The following PTPRD variants were observed in gnomAD, a reference collection of about 807,000 sequenced individuals.
The protein encoded by PTPRD is receptor-type tyrosine-protein phosphatase delta.
Under a neutral mutation model 214.5 loss-of-function variants are expected in PTPRD, and 34 were observed. The observed-to-expected ratio is 0.16, with a 90% CI of 0.12 to 0.21. The LOEUF (loss-of-function observed/expected upper bound fraction) is 0.21, where lower values mean the gene tolerates loss of function less well. Among genes scored for constraint, PTPRD ranks in the 10% least tolerant of loss-of-function variants. The pLI is 1.00. For missense variants in PTPRD, 2,545 were observed against 2,398.7 expected (o/e 1.06, Z -1.27); for synonymous variants, 1,128 against 845.7 (o/e 1.33, Z -5.79).
At chr9:10,400,111 C>G (rs1214196617) in intron 2 of PTPRD, among the ~76,000 whole-genome samples, 1 of 151,718 alleles carries the variant, frequency 6.6e-6, no homozygotes, top group Non-Finnish European at 1.5e-5. Context: ...TCACAGAAGC[C>G]AGAGGAAATA....
intron 9 of PTPRD, among the ~76,000 whole-genome samples, chr9:9,228,358 A>ATCT (rs1372197846): frequency 6.6e-6 from 1 of 152,096 alleles, no homozygotes; most frequent in Non-Finnish European, 1.5e-5. Flanking sequence ...TTATAAATAC[A>ATCT]TCTTATTGAA....
intron 35 of PTPRD, among the ~76,000 whole-genome samples, chr9:8,414,713 C>T (rs970745359): frequency 6.6e-6 from 1 of 151,776 alleles, no homozygotes; most frequent in African/African-American, 2.4e-5. Context: ...TCAAAGTATC[C>T]CAGTTTAGGC....
chr9:8,914,528 G>C (rs553892811), intron 11 of PTPRD, among the ~76,000 whole-genome samples: 1 of 152,010 alleles, frequency 6.6e-6, no homozygotes, highest in Non-Finnish European at 1.5e-5. Flanking sequence ...GAGTGATAGG[G>C]GTCGAGATAA....
rs550729888 is a variant in PTPRD, at chr9:9,131,759, T to C, written c.-143+51545A>G. 3.3e-5 allele frequency among the ~76,000 whole-genome samples: 5 copies of C among 152,366 alleles called. No homozygotes were observed. In the East Asian group the frequency reaches 9.6e-4, roughly 29 times the overall value. On this transcript the variant is annotated intron_variant, in intron 10 of 45. Coordinates refer to ENST00000381196, the MANE Select transcript of PTPRD (RefSeq NM_002839.4). The stretch of plus-strand genomic sequence containing the variant: ...GAATAGCCAATTCAAATATTTACCA[T>C]AAGAGATTGGTGACTTAATTATGAG...
chr9:10,156,465 G>A (rs776394506), intron 3 of PTPRD, among the ~76,000 whole-genome samples: 2 of 152,064 alleles, frequency 1.3e-5, no homozygotes, highest in East Asian at 3.9e-4. Context: ...CTTTAGTCTT[G>A]ATTTCTAATT....
intron 14 of PTPRD, among the ~76,000 whole-genome samples, chr9:8,530,229 G>A (rs1158968868): frequency 1.3e-5 from 2 of 151,984 alleles, no homozygotes; most frequent in East Asian, 1.9e-4. Context: ...CTCTAGAGCC[G>A]AGGGGTAAAC....
intron 5 of PTPRD, among the ~76,000 whole-genome samples, chr9:9,790,487 G>T (rs1021697569): frequency 6.6e-6 from 1 of 152,090 alleles, no homozygotes; most frequent in African/African-American, 2.4e-5. Context: ...ATTCCCTTCT[G>T]CCTGATTTCA....
chr9:9,886,822 ATG>A, intron 5 of PTPRD, among the ~76,000 whole-genome samples: 1 of 152,194 alleles, frequency 6.6e-6, no homozygotes, highest in South Asian at 2.1e-4. Flanking sequence ...CCATGCTTTG[ATG>A]AAGTTCAAAT....
intron 5 of PTPRD, among the ~76,000 whole-genome samples, chr9:9,893,023 C>G (rs1159178746): frequency 2.0e-5 from 3 of 152,014 alleles, no homozygotes; most frequent in Non-Finnish European, 2.9e-5. Flanking sequence ...ATTTGGACAT[C>G]AGACACTCAC....
intron 3 of PTPRD, among the ~76,000 whole-genome samples, chr9:10,100,507 A>C (rs1186060376): frequency 6.6e-6 from 1 of 151,698 alleles, no homozygotes; most frequent in African/African-American, 2.4e-5. Context: ...TTTAGAAAGG[A>C]GGATGATCTC....
chr9:9,275,199 T>TAACATATATATAATATATATGTTA (rs1491465404), intron 9 of PTPRD, among the ~76,000 whole-genome samples: 3 of 10,394 alleles, frequency 2.9e-4, no homozygotes, highest in Non-Finnish European at 4.7e-4. Context: ...TATATATATA[T>TAACATATATATAATATATATGTTA]TATATATATA....
chr9:9,569,437 T>C (rs535801312), intron 8 of PTPRD, among the ~76,000 whole-genome samples: 1 of 151,938 alleles, frequency 6.6e-6, no homozygotes, highest in Admixed American at 6.6e-5. Flanking sequence ...AAAGCTGACA[T>C]ATTAGAAGCT....
intron 36 of PTPRD, among the ~76,000 whole-genome samples, chr9:8,392,297 A>G (rs994474915): frequency 5.9e-5 from 9 of 152,058 alleles, no homozygotes; most frequent in Non-Finnish European, 1.3e-4. Flanking sequence ...AGGCTGAGGC[A>G]GGAAGATTTA....
In PTPRD at chr9:8,432,897, G is replaced by A. The variant is rs114717135; in HGVS notation, c.4086+3695C>T. Among the ~76,000 whole-genome samples the A allele has an allele frequency of 3.4e-3, 525 of 152,276 alleles. 1 individual carries two copies. The highest frequency in any genetic ancestry group is 0.012 in the African/African-American group (502 of 41,550). On this transcript the variant is annotated intron_variant, in intron 35 of 45. Coordinates refer to ENST00000381196, the MANE Select transcript of PTPRD (RefSeq NM_002839.4). ...TCAGGTCCACAGCTAAGCCTACTGG[G>A]GAAGCTGTGCATAGCAGCATTGCCA...
At chr9:10,573,024 T>C (rs1403825454) in intron 2 of PTPRD, among the ~76,000 whole-genome samples, 2 of 152,120 alleles carry the variant, frequency 1.3e-5, no homozygotes, top group Non-Finnish European at 2.9e-5. Context: ...GATGGGAAAG[T>C]GATTGTTGAG....
chr9:8,563,571 G>T (rs2087427863), intron 14 of PTPRD, among the ~76,000 whole-genome samples: 1 of 151,452 alleles, frequency 6.6e-6, no homozygotes, highest in South Asian at 2.1e-4. Context: ...TGAGTAGTTG[G>T]GACTATAGAC....
At chr9:8,407,671 GAAATC>G (rs1182057736) in intron 35 of PTPRD, among the ~76,000 whole-genome samples, 1 of 152,154 alleles carries the variant, frequency 6.6e-6, no homozygotes, top group Non-Finnish European at 1.5e-5. Context: ...AATTACATAA[GAAATC>G]AAGTTTTAAA....
At chr9:9,386,012 C>T (rs1021542878) in intron 9 of PTPRD, among the ~76,000 whole-genome samples, 1 of 151,950 alleles carries the variant, frequency 6.6e-6, no homozygotes, top group Admixed American at 6.6e-5. Context: ...TTCAGAAGCC[C>T]AGTATGGCCT....
chr9:10,003,160 G>A (rs1464297587), intron 4 of PTPRD, among the ~76,000 whole-genome samples: 1 of 151,770 alleles, frequency 6.6e-6, no homozygotes, highest in Non-Finnish European at 1.5e-5. Flanking sequence ...GTTCCAGGCA[G>A]AAGGAAGAAT....
Sources: allele counts gnomAD v4.1 joint callset (sites outside exome capture counted in the v4.1 genomes callset), GRCh38; gene constraint gnomAD v4.1.1; transcripts MANE v1.5; gene names NCBI Gene and HGNC (gene_info 2026-07-23, HGNC 2026-07-21).